Variants in PDE11A observed in about 807,000 individuals in gnomAD.
PDE11A encodes the protein dual 3',5'-cyclic-AMP and -GMP phosphodiesterase 11A.
Under a neutral mutation model 100.5 loss-of-function variants are expected in PDE11A, and 100 were observed. The ratio of observed to expected loss-of-function variants is 1.00; its 90% CI spans 0.85 to 1.18. PDE11A has a LOEUF of 1.18. PDE11A is among the 50% of genes most tolerant of loss of function. The probability of loss-of-function intolerance (pLI) is 0.00; values close to 1 mark genes in which losing one functional copy is unlikely to be tolerated. For synonymous variants in PDE11A, 381 were observed against 420.8 expected (o/e 0.91, Z 1.16); for missense variants, 1,141 against 1,152.6 (o/e 0.99, Z 0.15).
At chr2:178,018,659 G>T (rs1346285041) in intron 1 of PDE11A, among the ~76,000 whole-genome samples, 1 of 152,118 alleles carries the variant, frequency 6.6e-6, no homozygotes, top group Non-Finnish European at 1.5e-5. Flanking sequence ...CAATCCTCCT[G>T]CCTCAGCCTC....
At chr2:177,870,581 G>A (rs145539468) in intron 5 of PDE11A, among the ~76,000 whole-genome samples, 235 of 152,308 alleles carry the variant, frequency 1.5e-3, no homozygotes, top group Non-Finnish European at 1.2e-3. Flanking sequence ...CTATGTGCCA[G>A]GCATTGTGCT....
chr2:177,983,431 A>G (rs2085906430), intron 2 of PDE11A, among the ~76,000 whole-genome samples: 1 of 152,220 alleles, frequency 6.6e-6, no homozygotes, highest in South Asian at 2.1e-4. Context: ...TTTAATCAAC[A>G]TCTACTCTAA....
intron 2 of PDE11A, among the ~76,000 whole-genome samples, chr2:178,005,507 C>T (rs2086197587): frequency 6.6e-6 from 1 of 152,080 alleles, no homozygotes; most frequent in Admixed American, 6.5e-5. Context: ...CTAATCACTA[C>T]TTGGAATTAC....
intron 12 of PDE11A, among the ~76,000 whole-genome samples, chr2:177,720,732 T>C (rs776786132): frequency 2.0e-5 from 3 of 152,226 alleles, no homozygotes; most frequent in Non-Finnish European, 2.9e-5. Flanking sequence ...TATCTTTCTT[T>C]TCAAGATGAA....
intron 1 of PDE11A, among the ~76,000 whole-genome samples, chr2:178,033,454 G>C (rs2086573161): frequency 6.6e-6 from 1 of 152,152 alleles, no homozygotes; most frequent in Non-Finnish European, 1.5e-5. Flanking sequence ...GGGGAGAATG[G>C]AACCAAGTTG....
chr2:177,660,435 G>A (rs192559860), intron 19 of PDE11A, among the ~76,000 whole-genome samples: 1 of 152,134 alleles, frequency 6.6e-6, no homozygotes, highest in Admixed American at 6.6e-5. Context: ...AATATATATG[G>A]TAAAGAGGGC....
intron 1 of PDE11A, among the ~76,000 whole-genome samples, chr2:178,054,061 T>A (rs1193204993): frequency 6.6e-6 from 1 of 152,198 alleles, no homozygotes; most frequent in Non-Finnish European, 1.5e-5. Flanking sequence ...AAGTCAATCC[T>A]AAGCCAAAAG....
intron 1 of PDE11A, among the ~76,000 whole-genome samples, chr2:178,058,475 A>G (rs2086926844): frequency 6.6e-6 from 1 of 152,114 alleles, no homozygotes; most frequent in African/African-American, 2.4e-5. Flanking sequence ...GCCTGCCACC[A>G]TCCACGTAAA....
intron 5 of PDE11A, among the ~76,000 whole-genome samples, chr2:177,845,273 A>G (rs1265445126): frequency 1.3e-5 from 2 of 149,284 alleles, no homozygotes; most frequent in African/African-American, 2.5e-5. Flanking sequence ...CACTTCTCAG[A>G]CGGGGCGGTT....
At chr2:178,001,450 G>C (rs1387292685) in intron 2 of PDE11A, among the ~76,000 whole-genome samples, 1 of 152,106 alleles carries the variant, frequency 6.6e-6, no homozygotes, top group Non-Finnish European at 1.5e-5. Flanking sequence ...ATAGCATGGG[G>C]CTTTGCAATG....
chr2:177,840,410 A>G (rs1366347676), intron 5 of PDE11A, 27 bp from the exon 6 acceptor site: 3 of 1,609,912 alleles, frequency 1.9e-6, no homozygotes, highest in Admixed American at 1.7e-5. Context: ...GTAGGCAGGA[A>G]GAAAAGAGAG....
chr2:178,014,377 A>G lies in PDE11A; in HGVS notation c.996T>C (p.Asp332=). ...CTTGGGCCACACCAATAATCTCACC[A>G]TCACTGCTTCGGATAGGCATGCACA... is the stretch of plus-strand genomic sequence containing the variant. ...SLLCMPIRSS[D]GEIIGVAQAI... The change falls in exon 2 of 20, where the codon GAT becomes GAC. Residue 332 remains aspartate (D), a synonymous_variant. Coordinates refer to ENST00000286063, the MANE Select transcript of PDE11A (RefSeq NM_016953.4). 1 of 1,612,180 alleles carries G rather than the reference A, an allele frequency of 6.2e-7. No individual in the cohort carries two copies. The highest frequency in any genetic ancestry group is 8.5e-7 in the Non-Finnish European group (1 of 1,178,222).
Position 177,666,748 on chromosome 2 carries a change from T to C in PDE11A, c.2562+2745A>G, listed in dbSNP as rs553919586. Among the ~76,000 whole-genome samples, 4 of 150,560 alleles carry C rather than the reference T, an allele frequency of 2.7e-5. No individual in the cohort carries two copies. In the East Asian group the frequency reaches 7.9e-4, roughly 30 times the overall value. On this transcript the variant is annotated intron_variant, in intron 18 of 19. Coordinates refer to ENST00000286063, the MANE Select transcript of PDE11A (RefSeq NM_016953.4). ...TTTGCCTATCTTTTAAATTGAGTTA[T>C]CTTTCTATTGTTCAGTTATAATAGT...
At chr2:178,061,609 A>G (rs961763767) in intron 1 of PDE11A, among the ~76,000 whole-genome samples, 1 of 152,240 alleles carries the variant, frequency 6.6e-6, no homozygotes, top group Non-Finnish European at 1.5e-5. Context: ...AGGGAAGAGT[A>G]AAGAGAGGAG....
At chr2:177,768,769 T>A (rs2105500686) in intron 10 of PDE11A, among the ~76,000 whole-genome samples, 1 of 152,358 alleles carries the variant, frequency 6.6e-6, no homozygotes, top group South Asian at 2.1e-4. Context: ...TGGGACCAGA[T>A]TGTCATACGT....
intron 10 of PDE11A, among the ~76,000 whole-genome samples, chr2:177,729,820 T>C (rs1056007213): frequency 2.0e-5 from 3 of 152,098 alleles, no homozygotes; most frequent in Non-Finnish European, 4.4e-5. Context: ...TCATTCATTA[T>C]CCTAGGCACT....
intron 1 of PDE11A, among the ~76,000 whole-genome samples, chr2:178,027,681 C>G (rs2086494590): frequency 6.6e-6 from 1 of 152,102 alleles, no homozygotes; most frequent in Non-Finnish European, 1.5e-5. Flanking sequence ...TCCAATTGAC[C>G]TGCTACCCAG....
At chr2:178,077,579 A>G (rs1399344924), upstream of PDE11A, among the ~76,000 whole-genome samples, 2 of 152,130 alleles carry the variant, frequency 1.3e-5, no homozygotes, top group Non-Finnish European at 2.9e-5. Context: ...ACAAACGTAA[A>G]AATGGCACAT....
chr2:177,755,656 G>A (rs2082081362), intron 10 of PDE11A, among the ~76,000 whole-genome samples: 1 of 152,170 alleles, frequency 6.6e-6, no homozygotes, highest in South Asian at 2.1e-4. Context: ...ATGGACAGGG[G>A]AACCAAGTGG....
Sources: gnomAD v4.1 joint callset for allele counts (sites outside exome capture counted in the v4.1 genomes callset) on GRCh38, gnomAD v4.1.1 for gene constraint, MANE v1.5 for transcripts, NCBI Gene and HGNC (gene_info 2026-07-23, HGNC 2026-07-21) for gene names.